The following FBXL17 variants were observed in gnomAD, a reference collection of about 807,000 sequenced individuals.
FBXL17 encodes the protein F-box and leucine rich repeat protein 17.
FBXL17 carries 22 observed loss-of-function variants against 66.2 expected under a neutral mutation model. That is an observed-to-expected ratio of 0.33 (90% CI 0.24 to 0.47). The LOEUF (loss-of-function observed/expected upper bound fraction) is 0.47. Among genes scored for constraint, FBXL17 ranks in the 20% least tolerant of loss-of-function variants. The probability of loss-of-function intolerance (pLI) is 1.00; values close to 1 mark genes in which losing one functional copy is unlikely to be tolerated. For missense variants in FBXL17, 878 were observed against 948.2 expected, an observed-to-expected ratio of 0.93 and a Z score of 0.97; for synonymous variants, 474 against 400.5, an observed-to-expected ratio of 1.18 and a Z score of -2.19.
chr5:107,923,396 G>A (rs1459295286), intron 7 of FBXL17, among the ~76,000 whole-genome samples: 1 of 152,054 alleles, frequency 6.6e-6, no homozygotes, highest in East Asian at 1.9e-4. Flanking sequence ...GAATGGCTGC[G>A]ATATAGGCCC....
intron 4 of FBXL17, among the ~76,000 whole-genome samples, chr5:108,335,905 C>T (rs1357799713): frequency 6.6e-6 from 1 of 151,576 alleles, no homozygotes; most frequent in East Asian, 1.9e-4. Context: ...AAAGATATTA[C>T]TTCTAGAGGG....
In FBXL17 at chr5:108,003,571, T is replaced by C. The variant is rs1051647106; in HGVS notation, c.1822+17354A>G. Reference sequence around the variant, plus strand: ...TTATCAGACATAAATGTAGTAAAAGTATATCCAAACTGTGAAATAGAAAGA... The same window carrying C: ...TTATCAGACATAAATGTAGTAAAAGCATATCCAAACTGTGAAATAGAAAGA... On this transcript the variant is annotated intron_variant, in intron 7 of 8. Coordinates refer to ENST00000542267, the MANE Select transcript of FBXL17 (RefSeq NM_001163315.3). Among the ~76,000 whole-genome samples the C allele has an allele frequency of 3.3e-5, 5 of 152,246 alleles. No homozygotes were observed. The East Asian group carries it at 9.7e-4, about 29-fold the overall frequency.
intron 6 of FBXL17, among the ~76,000 whole-genome samples, chr5:108,137,014 A>G (rs1751161709): frequency 1.3e-5 from 2 of 152,192 alleles, no homozygotes; most frequent in Non-Finnish European, 2.9e-5. Context: ...AACATCATCC[A>G]ATCTTTCAAA....
chr5:108,354,727 TA>T (rs904868352), intron 3 of FBXL17, among the ~76,000 whole-genome samples: 107 of 123,438 alleles, frequency 8.7e-4, no homozygotes, highest in Non-Finnish European at 8.0e-4. Context: ...AATCAAAGGT[TA>T]AAAAAAAAAA....
chr5:107,988,321 A>C (rs539591744), intron 7 of FBXL17, among the ~76,000 whole-genome samples: 2 of 151,714 alleles, frequency 1.3e-5, no homozygotes, highest in Non-Finnish European at 2.9e-5. Context: ...TTAATCTGGG[A>C]ACTTACTGGT....
chr5:108,380,993 C>G lies in FBXL17; in HGVS notation c.699G>C (p.Ala233=), dbSNP rs1414059663. The G allele has an allele frequency of 1.7e-5, 20 of 1,206,750 alleles. No individual in the cohort carries two copies. Among genetic ancestry groups the G allele is most frequent in the South Asian group, 4.1e-5 (1 of 24,140 alleles). 74.8% of individuals were successfully genotyped at this position (1,206,750 alleles called of 1,614,324 possible). The change falls in exon 1 of 9, where the codon GCG becomes GCC. Residue 233 remains alanine, a synonymous_variant. Transcript: ENST00000542267. ...GCCGGGGCGGCGAAGCGCCTCCCCCCGCAGGCCCTCCCCCGCCACCGCCGC... is the reference window on the plus strand; with the variant it reads ...GCCGGGGCGGCGAAGCGCCTCCCCCGGCAGGCCCTCCCCCGCCACCGCCGC... ...GGGGGGGGGP[A]GGGASPPRPP... is the part of the protein sequence containing the mutation.
chr5:108,109,075 G>C (rs959035489), intron 6 of FBXL17, among the ~76,000 whole-genome samples: 1 of 151,950 alleles, frequency 6.6e-6, no homozygotes, highest in African/African-American at 2.4e-5. Flanking sequence ...GAGCCACTGC[G>C]CCCAGCCAAG....
chr5:108,122,412 T>C (rs1308580542), intron 6 of FBXL17, among the ~76,000 whole-genome samples: 1 of 152,248 alleles, frequency 6.6e-6, no homozygotes, highest in African/African-American at 2.4e-5. Context: ...TTTAATTTTT[T>C]GTGAAAATAT....
chr5:108,321,020 T>C (rs537089241), intron 4 of FBXL17, among the ~76,000 whole-genome samples: 2 of 151,968 alleles, frequency 1.3e-5, no homozygotes, highest in South Asian at 4.1e-4. Context: ...TAAGAGTATG[T>C]ATTCCACAAT....
chr5:108,315,907 C>T (rs1406253065), intron 4 of FBXL17, among the ~76,000 whole-genome samples: 1 of 151,262 alleles, frequency 6.6e-6, no homozygotes, highest in African/African-American at 2.4e-5. Flanking sequence ...ATAAAATAAA[C>T]CCTCTATGTA....
intron 6 of FBXL17, among the ~76,000 whole-genome samples, chr5:108,047,927 T>C (rs574027679): frequency 6.6e-6 from 1 of 152,250 alleles, no homozygotes; most frequent in South Asian, 2.1e-4. Context: ...AGCACACCCC[T>C]CCACCAAGGA....
chr5:107,903,774 T>A (rs964900533), intron 7 of FBXL17, among the ~76,000 whole-genome samples: 1 of 152,034 alleles, frequency 6.6e-6, no homozygotes, highest in African/African-American at 2.4e-5. Context: ...ATAGAAACCA[T>A]CCTAACACAA....
At chr5:108,236,821 C>A (rs984118674) in intron 4 of FBXL17, among the ~76,000 whole-genome samples, 1 of 152,190 alleles carries the variant, frequency 6.6e-6, no homozygotes, top group African/African-American at 2.4e-5. Context: ...GTACCCTCAT[C>A]TTCTGAATGC....
intron 6 of FBXL17, among the ~76,000 whole-genome samples, chr5:108,122,614 C>A (rs577513042): frequency 1.5e-4 from 23 of 152,064 alleles, no homozygotes; most frequent in Non-Finnish European, 3.1e-4. Flanking sequence ...ATTAGAAAAC[C>A]AACATTACAG....
At chr5:107,955,410 A>G (rs1347705374) in intron 7 of FBXL17, among the ~76,000 whole-genome samples, 1 of 152,192 alleles carries the variant, frequency 6.6e-6, no homozygotes. Context: ...CATCAGAAAG[A>G]TGCTTCACTT....
chr5:108,144,874 C>A (rs1012616462), intron 6 of FBXL17, among the ~76,000 whole-genome samples: 4 of 152,072 alleles, frequency 2.6e-5, no homozygotes, highest in Non-Finnish European at 5.9e-5. Flanking sequence ...TGAAAATAAA[C>A]ACGTTTAATA....
At chr5:107,984,352 C>T (rs1299947125) in intron 7 of FBXL17, among the ~76,000 whole-genome samples, 4 of 152,146 alleles carry the variant, frequency 2.6e-5, no homozygotes. Flanking sequence ...AAAATTCATA[C>T]AGAGTATATT....
chr5:108,196,533 G>C (rs1032784021), intron 5 of FBXL17, among the ~76,000 whole-genome samples: 1 of 152,172 alleles, frequency 6.6e-6, no homozygotes, highest in African/African-American at 2.4e-5. Flanking sequence ...TCAGGACCAT[G>C]TCTTACTCAC....
chr5:108,217,168 C>A (rs919401496), intron 5 of FBXL17, among the ~76,000 whole-genome samples: 2 of 152,090 alleles, frequency 1.3e-5, no homozygotes, highest in Non-Finnish European at 2.9e-5. Context: ...CATAAAAACC[C>A]TGGACCCCAG....
Sources: gnomAD v4.1 joint callset for allele counts (sites outside exome capture counted in the v4.1 genomes callset) on GRCh38, gnomAD v4.1.1 for gene constraint, MANE v1.5 for transcripts, NCBI Gene and HGNC (gene_info 2026-07-23, HGNC 2026-07-21) for gene names.